The following RYR2 variants were observed in gnomAD, a reference collection of about 807,000 sequenced individuals.
RYR2 encodes cardiac muscle ryanodine receptor-calcium release channel.
A neutral mutation model predicts 601.1 loss-of-function variants in RYR2; 227 were observed. The observed-to-expected ratio is 0.38, with a 90% CI of 0.34 to 0.42. RYR2 has a LOEUF of 0.42. RYR2 is among the 10% of genes least tolerant of loss of function. The probability of loss-of-function intolerance (pLI) is 1.00; values close to 1 mark genes in which losing one functional copy is unlikely to be tolerated. For synonymous variants in RYR2, 2,223 were observed against 2,175.1 expected, an observed-to-expected ratio of 1.02 and a Z score of -0.61; for missense variants, 4,646 against 6,156.5, an observed-to-expected ratio of 0.75 and a Z score of 8.21.
chr1:237,381,159 C>T (rs896979860), intron 8 of RYR2, among the ~76,000 whole-genome samples: 2 of 146,222 alleles, frequency 1.4e-5, no homozygotes, highest in East Asian at 2.2e-4. Flanking sequence ...GCAGGAAAAT[C>T]GCTTGAACTG....
At chr1:237,223,087 C>T (rs1356733369) in intron 1 of RYR2, among the ~76,000 whole-genome samples, 2 of 152,164 alleles carry the variant, frequency 1.3e-5, no homozygotes, top group African/African-American at 4.8e-5. Flanking sequence ...AACAAAACAA[C>T]AACAAAACAA....
intron 29 of RYR2, among the ~76,000 whole-genome samples, chr1:237,583,482 A>G (rs1437199249): frequency 6.6e-6 from 1 of 152,034 alleles, no homozygotes; most frequent in African/African-American, 2.4e-5. Context: ...ATCTGAAAAA[A>G]TGGGATTAAT....
chr1:237,830,187 C>T (rs1282024135), intron 102 of RYR2: 4 of 218,164 alleles, frequency 1.8e-5, no homozygotes, highest in African/African-American at 4.6e-5. Context: ...GCTTAGATAA[C>T]TTTAGTCAAT....
At chr1:237,193,465 C>G (rs1680231314) in intron 1 of RYR2, among the ~76,000 whole-genome samples, 1 of 152,062 alleles carries the variant, frequency 6.6e-6, no homozygotes, top group African/African-American at 2.4e-5. Context: ...ATCTAAAAAA[C>G]AAACAAAAAT....
chr1:237,772,820 G>A (rs1694375896), intron 86 of RYR2, among the ~76,000 whole-genome samples: 2 of 151,682 alleles, frequency 1.3e-5, no homozygotes, highest in Non-Finnish European at 2.9e-5. Context: ...TTTGAAGTCA[G>A]TACACCAAGA....
intron 102 of RYR2, 75 bp downstream of exon 102, chr1:237,828,520 A>G: frequency 1.0e-6 from 1 of 963,868 alleles, no homozygotes. Flanking sequence ...TTATCAATAG[A>G]ATCATGAATG....
rs376251968 is a variant in RYR2 at position 237,614,078 on chromosome 1, G to C, written c.4950G>C (p.Leu1650Phe). 2.5e-6 allele frequency: 4 copies of C among 1,613,806 alleles called. No homozygotes were observed. Among genetic ancestry groups the C allele is most frequent in the Non-Finnish European group, 2.5e-6 (3 of 1,179,842 alleles). ...DILELTEQEELLKFHYHTLRL... is the reference protein window; with the variant it reads ...DILELTEQEEFLKFHYHTLRL... ...TAGAGTTGACAGAGCAGGAGGAATT[G>C]CTGAAATTTCACTATCACACTCTCC... The change falls in exon 37 of 105, where the codon TTG becomes TTC. Residue 1650 changes from leucine to phenylalanine, a missense_variant. This residue lies in a region of RYR2 where 1,807 missense variants were observed against 2,088.1 expected (regional missense o/e 0.87). Transcript: ENST00000366574. The surrounding 1 kb of genome is among the most constrained non-coding windows in gnomAD (Gnocchi z 4.3).
chr1:237,508,197 G>A (rs1040985854), intron 23 of RYR2, among the ~76,000 whole-genome samples: 2 of 152,086 alleles, frequency 1.3e-5, no homozygotes, highest in Non-Finnish European at 2.9e-5. Context: ...CTGACCTCAG[G>A]TGATCTGCCC....
intron 1 of RYR2, among the ~76,000 whole-genome samples, chr1:237,210,045 C>A (rs1682393503): frequency 6.6e-6 from 1 of 152,082 alleles, no homozygotes; most frequent in Non-Finnish European, 1.5e-5. Context: ...AATTATGCCA[C>A]CCAGAGATAA....
chr1:237,393,708 G>A (rs1483705708), intron 10 of RYR2, among the ~76,000 whole-genome samples: 1 of 152,208 alleles, frequency 6.6e-6, no homozygotes, highest in Non-Finnish European at 1.5e-5. Flanking sequence ...GGAATAGTCA[G>A]TACATAAAGG....
intron 16 of RYR2, 62 bp downstream of exon 16, chr1:237,456,797 C>CATTT: frequency 6.4e-7 from 1 of 1,555,232 alleles, no homozygotes; most frequent in Non-Finnish European, 8.7e-7. Context: ...CATAAATGGA[C>CATTT]TAGGTGTGAT....
intron 1 of RYR2, among the ~76,000 whole-genome samples, chr1:237,082,558 A>ATATATATATATATATAT (rs1558200818): frequency 1.2e-4 from 3 of 24,216 alleles, no homozygotes; most frequent in African/African-American, 1.9e-4. Context: ...TATATATATA[A>ATATATATATATATATAT]AATCGGATAT....
chr1:237,452,861 A>G (rs1431049938), intron 14 of RYR2, among the ~76,000 whole-genome samples: 1 of 151,824 alleles, frequency 6.6e-6, no homozygotes, highest in East Asian at 1.9e-4. Flanking sequence ...AACATAACAT[A>G]ATTAATAATT....
intron 100 of RYR2, among the ~76,000 whole-genome samples, chr1:237,815,772 A>G (rs371003497): frequency 2.0e-4 from 30 of 152,346 alleles, no homozygotes; most frequent in South Asian, 1.7e-3. Context: ...CAAGTGAATC[A>G]TTCTTTTGGG....
intron 1 of RYR2, among the ~76,000 whole-genome samples, chr1:237,133,603 G>C (rs1672401790): frequency 1.3e-5 from 2 of 152,122 alleles, no homozygotes; most frequent in South Asian, 4.1e-4. Context: ...ATTCCAATTA[G>C]ACATTCCCCC....
intron 14 of RYR2, among the ~76,000 whole-genome samples, chr1:237,453,373 A>G (rs1422540063): frequency 2.6e-5 from 4 of 152,158 alleles, no homozygotes; most frequent in African/African-American, 9.6e-5. Context: ...TCTTTGTGGA[A>G]GTGATGACAT....
intron 29 of RYR2, among the ~76,000 whole-genome samples, chr1:237,589,022 G>T (rs937932937): frequency 9.2e-5 from 14 of 152,074 alleles, no homozygotes; most frequent in African/African-American, 3.4e-4. Context: ...GGAAAGATTT[G>T]CTAACTCTGA....
intron 1 of RYR2, among the ~76,000 whole-genome samples, chr1:237,218,382 C>A (rs375742929): frequency 6.6e-6 from 1 of 152,136 alleles, no homozygotes; most frequent in East Asian, 1.9e-4. Context: ...TACTGTGCAC[C>A]ACACTGATTA....
intron 29 of RYR2, among the ~76,000 whole-genome samples, chr1:237,584,390 C>T (rs1221638731): frequency 1.3e-5 from 2 of 152,148 alleles, no homozygotes; most frequent in African/African-American, 2.4e-5. Flanking sequence ...ATGATGTAGA[C>T]AGTGGTATAC....
Sources: allele counts gnomAD v4.1 joint callset (sites outside exome capture counted in the v4.1 genomes callset), GRCh38; gene constraint gnomAD v4.1.1; regional missense constraint gnomAD v4.1.1; non-coding constraint Gnocchi (gnomAD v3.1); transcripts MANE v1.5; gene names NCBI Gene and HGNC (gene_info 2026-07-23, HGNC 2026-07-21).